ACOX3: variants seen among roughly 807,000 people sequenced by gnomAD.
ACOX3 encodes acyl-CoA oxidase 3, pristanoyl, also known as peroxisomal acyl-coenzyme A oxidase 3.
Under a neutral mutation model 81.5 loss-of-function variants are expected in ACOX3, and 73 were observed. The ratio of observed to expected loss-of-function variants is 0.90; its 90% CI spans 0.74 to 1.09. ACOX3 has a LOEUF of 1.09. ACOX3 is among the 50% of genes least tolerant of loss of function. The pLI is 0.00. For missense variants in ACOX3, 947 were observed against 928.0 expected (o/e 1.02, Z -0.27); for synonymous variants, 387 against 375.1 (o/e 1.03, Z -0.37).
At position 8,373,643 on chromosome 4, in the gene ACOX3, T is replaced by C; in HGVS notation, c.1829-15A>G. On this transcript the variant is annotated splice_polypyrimidine_tract_variant and intron_variant, in intron 15 of 17. Coordinates refer to ENST00000356406, the MANE Select transcript of ACOX3 (RefSeq NM_003501.3). ...GAAGTATCCTCCTGCAAGCACAGCC[T>C]CGGTCACATGGGGGCTGGGTCCAGT... 3 of 1,608,350 alleles carry C rather than the reference T, an allele frequency of 1.9e-6. No individual in the cohort carries two copies. The highest frequency in any genetic ancestry group is 2.5e-6 in the Non-Finnish European group (3 of 1,177,518).
At chr4:8,376,520 G>C (rs759390283) in intron 14 of ACOX3, among the ~76,000 whole-genome samples, 1 of 152,198 alleles carries the variant, frequency 6.6e-6, no homozygotes, top group African/African-American at 2.4e-5. Flanking sequence ...CACAAAGCCA[G>C]TGTCCTCCAG....
Position 8,414,434 on chromosome 4 carries a change from T to G in ACOX3, c.454-53A>C. The G allele has an allele frequency of 4.1e-6, 6 of 1,478,536 alleles. No individual in the cohort carries two copies. The highest frequency in any genetic ancestry group is 5.7e-6 in the Non-Finnish European group (6 of 1,057,294). The allele number at this position is 1,478,536 out of a possible 1,614,324, so 91.6% of individuals were successfully genotyped here. A position where few individuals can be genotyped will look rare whatever the true frequency, so the allele number is the denominator to read the frequency against. Reference sequence around the variant, plus strand: ...AAGCAAGAAAAGTTCTTTGTGCACATTCCCAGAAGGACCTCACTGCCATCT... The same window carrying G: ...AAGCAAGAAAAGTTCTTTGTGCACAGTCCCAGAAGGACCTCACTGCCATCT... On this transcript the variant is annotated intron_variant, in intron 4 of 17. Coordinates refer to ENST00000356406, the MANE Select transcript of ACOX3 (RefSeq NM_003501.3). This position sits in a 1 kb window ranked among gnomAD's most constrained non-coding sequence, Gnocchi z 6.1.
In ACOX3 at chr4:8,368,015, C is replaced by T. The variant is rs1456662683; in HGVS notation, c.1984-935G>A. ...TCAAAAAAAAAAAAAAAGAACTGAT[C>T]GTGGCAGTGGACACGCTGTTTCTTA... On this transcript the variant is annotated intron_variant, in intron 17 of 17. Transcript: ENST00000356406. The surrounding 1 kb of genome is among the most constrained non-coding windows in gnomAD (Gnocchi z 5.9). Among the ~76,000 whole-genome samples the T allele has an allele frequency of 2.0e-5, 3 of 151,432 alleles. No homozygotes were observed. Among genetic ancestry groups the T allele is most frequent in the Non-Finnish European group, 4.4e-5 (3 of 67,864 alleles).
At chr4:8,383,149 G>T (rs1345339908) in intron 13 of ACOX3, among the ~76,000 whole-genome samples, 1 of 152,228 alleles carries the variant, frequency 6.6e-6, no homozygotes, top group East Asian at 1.9e-4. Context: ...ACGTCAGGCG[G>T]CTTGCCGGAG....
intron 8 of ACOX3, among the ~76,000 whole-genome samples, 172 bp from the exon 9 acceptor site, chr4:8,397,291 G>A (rs1023061319): frequency 5.9e-5 from 9 of 152,246 alleles, no homozygotes; most frequent in African/African-American, 1.9e-4. Flanking sequence ...CAGGCGGGTA[G>A]AGATGTCACT....
At chr4:8,424,140 C>G (rs1204452723) in intron 1 of ACOX3, among the ~76,000 whole-genome samples, 1 of 152,232 alleles carries the variant, frequency 6.6e-6, no homozygotes, top group Non-Finnish European at 1.5e-5. Flanking sequence ...ATCCTTATCC[C>G]AAAACCATAA....
At chr4:8,387,389 G>A (rs893535146) in intron 13 of ACOX3, among the ~76,000 whole-genome samples, 1 of 152,204 alleles carries the variant, frequency 6.6e-6, no homozygotes, top group Admixed American at 6.5e-5. Flanking sequence ...CACTCAGGAA[G>A]GTGGGCTACT....
intron 13 of ACOX3, among the ~76,000 whole-genome samples, chr4:8,388,118 C>CG (rs1297547906): frequency 6.6e-6 from 1 of 152,244 alleles, no homozygotes; most frequent in Non-Finnish European, 1.5e-5. Context: ...CTGCTGCCTC[C>CG]GCCTCCTGAC....
intron 16 of ACOX3, among the ~76,000 whole-genome samples, chr4:8,372,537 G>C (rs897658810): frequency 6.6e-6 from 1 of 152,214 alleles, no homozygotes; most frequent in African/African-American, 2.4e-5. Flanking sequence ...TTGGCTCTTG[G>C]AGGAGCCAAG....
At chr4:8,428,474 C>G (rs985447273) in intron 1 of ACOX3, 17 of 152,390 alleles carry the variant, frequency 1.1e-4, no homozygotes, top group African/African-American at 3.9e-4. Flanking sequence ...CTCTCGGCCT[C>G]CGTCCGTCCC....
chr4:8,372,382 G>A (rs951607696), intron 16 of ACOX3, among the ~76,000 whole-genome samples: 21 of 152,178 alleles, frequency 1.4e-4, no homozygotes, highest in African/African-American at 5.1e-4. Context: ...TTACAGGAAT[G>A]AGCCACCACA....
rs1219418738 is a variant in ACOX3, at chr4:8,392,419, G to A, written c.1214C>T (p.Ser405Leu). ...CCACGAGGCCAGGGGCTTGCTGGCC[G>A]ATGCCAGGGCGTGGATCTCACGTCC... Reference protein sequence around the residue: ...ELGREIHALASASKPLASWTT... With the variant: ...ELGREIHALALASKPLASWTT... The change falls in exon 11 of 18, where the codon TCG (serine) becomes TTG (leucine). Residue 405 changes from serine (S) to leucine (L), a missense_variant. By Grantham distance (145) the Ser-to-Leu change is moderately radical. Coordinates refer to ENST00000356406, the MANE Select transcript of ACOX3 (RefSeq NM_003501.3). 18 of 1,607,526 alleles carry A rather than the reference G, an allele frequency of 1.1e-5. No individual in the cohort carries two copies. Among genetic ancestry groups the A allele is most frequent in the East Asian group, 2.2e-5 (1 of 44,534 alleles).
intron 13 of ACOX3, among the ~76,000 whole-genome samples, chr4:8,388,445 G>A (rs1718562112): frequency 6.6e-6 from 1 of 152,242 alleles, no homozygotes; most frequent in African/African-American, 2.4e-5. Flanking sequence ...CTCCGGAGAG[G>A]GATCCCCTGT....
Position 8,414,726 on chromosome 4 carries a change from G to A in ACOX3, c.453+128C>T, listed in dbSNP as rs1185700699. 2.3e-6 allele frequency: 2 copies of A among 883,612 alleles called. No individual in the cohort carries two copies. The highest frequency in any genetic ancestry group is 5.1e-5 in the East Asian group (2 of 39,104). 54.7% of individuals were successfully genotyped at this position (883,612 alleles called of 1,614,324 possible). On this transcript the variant is annotated intron_variant, in intron 4 of 17. Transcript: ENST00000356406. The surrounding 1 kb of genome is among the most constrained non-coding windows in gnomAD (Gnocchi z 6.1). ...GCTAGCTATTTGGTGAGAAGCCTGAGAACACTAGGAAACAAGAAGAGCATA... is the reference window on the plus strand; with the variant it reads ...GCTAGCTATTTGGTGAGAAGCCTGAAAACACTAGGAAACAAGAAGAGCATA...
Position 8,440,646 on chromosome 4 carries a change from A to T in ACOX3, c.-15+2T>A. The T allele has an allele frequency of 2.9e-6, 2 of 701,102 alleles. No individual in the cohort carries two copies. The highest frequency in any genetic ancestry group is 4.3e-6 in the Non-Finnish European group (2 of 466,820). The allele number at this position is 701,102 out of a possible 1,614,324, so 43.4% of individuals were successfully genotyped here. ...GAATAAAACACAGGTCAAATTCCTC[A>T]CCCACACACTCCACAGTTCAACCCC... On this transcript the variant is annotated splice_donor_variant, in intron 1 of 17. Transcript: ENST00000356406. LOFTEE classifies it low-confidence loss of function (5UTR_SPLICE).
chr4:8,373,764 G>A (rs1385035260), intron 15 of ACOX3, 136 bp from the exon 16 acceptor site: 1 of 748,970 alleles, frequency 1.3e-6, no homozygotes. Flanking sequence ...TGTCATTGCT[G>A]TCCCCAGCCC....
chr4:8,395,732 CCA>C (rs1719621356), intron 9 of ACOX3, among the ~76,000 whole-genome samples: 1 of 152,228 alleles, frequency 6.6e-6, no homozygotes. Context: ...CCCTTGGCAC[CCA>C]GAGTGCTGTG....
chr4:8,402,307 G>A (rs1720454984), intron 7 of ACOX3, among the ~76,000 whole-genome samples: 1 of 152,220 alleles, frequency 6.6e-6, no homozygotes, highest in Admixed American at 6.5e-5. Flanking sequence ...GTGAAGGGCA[G>A]CGGGGGGGCC....
chr4:8,435,053 A>T (rs1724147948), intron 1 of ACOX3, among the ~76,000 whole-genome samples: 1 of 152,226 alleles, frequency 6.6e-6, no homozygotes, highest in Non-Finnish European at 1.5e-5. Flanking sequence ...TTAAAAAAAA[A>T]TTTCAAGAAG....
Sources: allele counts gnomAD v4.1 joint callset (sites outside exome capture counted in the v4.1 genomes callset), GRCh38; gene constraint gnomAD v4.1.1; non-coding constraint Gnocchi (gnomAD v3.1); transcripts MANE v1.5; gene names NCBI Gene and HGNC (gene_info 2026-07-23, HGNC 2026-07-21).